OR1L8: variants seen among roughly 807,000 people sequenced by gnomAD.
OR1L8 encodes olfactory receptor family 1 subfamily L member 8, also known as olfactory receptor 1L8.
For missense variants in OR1L8, 330 were observed against 377.4 expected (o/e 0.87, Z 1.04); for synonymous variants, 148 against 147.0 (o/e 1.01, Z -0.05).
chr9:122,558,276 A>G, the OR1L8 span, among the ~76,000 whole-genome samples: 1 of 111,772 alleles, frequency 8.9e-6, no homozygotes, highest in African/African-American at 3.3e-5. Flanking sequence ...TTAGTTTCCT[A>G]GTGGGGAAGC....
At chr9:122,551,146 A>G in the OR1L8 span, among the ~76,000 whole-genome samples, 3,071 of 152,320 alleles carry the variant, frequency 0.02, 50 homozygotes, top group South Asian at 0.06. Context: ...CAAGACCTCA[A>G]TCCCATTTAC....
intron 1 of OR1L8, among the ~76,000 whole-genome samples, chr9:122,578,954 AT>A (rs1176721000): frequency 1.4e-5 from 2 of 141,624 alleles, no homozygotes; most frequent in Non-Finnish European, 3.0e-5. Flanking sequence ...ATTAAAAAAA[AT>A]TCTGAAAAAT....
chr9:122,548,589 T>TTATATATATATATATATA, the OR1L8 span, among the ~76,000 whole-genome samples: 3 of 151,176 alleles, frequency 2.0e-5, no homozygotes, highest in Non-Finnish European at 4.4e-5. Context: ...TTTAAAATTT[T>TTATATATATATATATATA]TATATATATA....
chr9:122,575,040 G>C (rs1041551782), intron 3 of OR1L8, among the ~76,000 whole-genome samples: 5 of 152,028 alleles, frequency 3.3e-5, no homozygotes, highest in Non-Finnish European at 5.9e-5. Flanking sequence ...GCATACCTAG[G>C]ATAAATTAAA....
the OR1L8 span, among the ~76,000 whole-genome samples, chr9:122,554,803 C>T: frequency 7.7e-5 from 8 of 103,350 alleles, no homozygotes; most frequent in Non-Finnish European, 1.5e-4. Flanking sequence ...TAAAAGCACT[C>T]TTCTGTTGTA....
Position 122,567,458 on chromosome 9 carries a change from T to G in OR1L8, c.*90A>C. ...CTCACATGGGTCAGAAGTGCTAGCTTCCAACAGCTTTGACTGTTCACCAGA... is the reference window on the plus strand; with the variant it reads ...CTCACATGGGTCAGAAGTGCTAGCTGCCAACAGCTTTGACTGTTCACCAGA... On this transcript the variant is annotated 3_prime_UTR_variant, in exon 5 of 5. Transcript: ENST00000641027. 1.0e-6 allele frequency: 1 copy of G among 978,164 alleles called. No homozygotes were observed. The highest frequency in any genetic ancestry group is 1.5e-6 in the Non-Finnish European group (1 of 653,402). 60.6% of individuals were successfully genotyped at this position (978,164 alleles called of 1,614,324 possible). A position where few individuals can be genotyped will look rare whatever the true frequency, so the allele number is the denominator to read the frequency against.
chr9:122,577,665 C>A (rs1474918545), intron 2 of OR1L8, among the ~76,000 whole-genome samples: 1 of 152,122 alleles, frequency 6.6e-6, no homozygotes, highest in Non-Finnish European at 1.5e-5. Context: ...CTAGTATTAA[C>A]ACTGAGAGTG....
intron 4 of OR1L8, among the ~76,000 whole-genome samples, chr9:122,570,460 A>G (rs966828623): frequency 6.6e-6 from 1 of 152,230 alleles, no homozygotes; most frequent in Non-Finnish European, 1.5e-5. Flanking sequence ...CTAAAAAATT[A>G]AATGCTTACA....
the OR1L8 span, chr9:122,553,098 T>TC: frequency 2.9e-6 from 3 of 1,020,020 alleles, no homozygotes; most frequent in Non-Finnish European, 4.0e-6. Flanking sequence ...TTTTCTTTTC[T>TC]TTTTCTCCCA....
intron 1 of OR1L8, among the ~76,000 whole-genome samples, chr9:122,579,337 T>G (rs1829709990): frequency 6.6e-6 from 1 of 152,156 alleles, no homozygotes; most frequent in African/African-American, 2.4e-5. Flanking sequence ...AATTGAATTT[T>G]AAAAATTGAA....
intron 4 of OR1L8, among the ~76,000 whole-genome samples, chr9:122,572,469 A>C (rs1052312965): frequency 6.6e-6 from 1 of 152,184 alleles, no homozygotes; most frequent in Non-Finnish European, 1.5e-5. Context: ...CACGGGGAAA[A>C]AGGAAGAAGG....
chr9:122,554,677 A>G, the OR1L8 span, among the ~76,000 whole-genome samples: 14 of 152,214 alleles, frequency 9.2e-5, no homozygotes, highest in Non-Finnish European at 2.1e-4. Context: ...CCACTTTGTG[A>G]GGATCATGAC....
At chr9:122,558,311 CTTTTTT>C in the OR1L8 span, among the ~76,000 whole-genome samples, 150 of 34,432 alleles carry the variant, frequency 4.4e-3, no homozygotes, top group Non-Finnish European at 4.7e-3. Context: ...TTGGATTTTG[CTTTTTT>C]TTTTTTTTTT....
At chr9:122,553,732 A>T in the OR1L8 span, 1 of 1,612,894 alleles carries the variant, frequency 6.2e-7, no homozygotes, top group Non-Finnish European at 8.5e-7. Context: ...TTCTGTGCCC[A>T]GAAAGCCATC....
At position 122,568,288 on chromosome 9, in the gene OR1L8, A is replaced by T. The variant is rs566061152; in HGVS notation, c.190T>A (p.Leu64Met). Residue 64 changes from leucine to methionine, a missense_variant, in exon 5 of 5, where the codon TTG (leucine) becomes ATG (methionine). Leu to Met is a conservative substitution (Grantham distance 15). Transcript: ENST00000641027. ...ATATCAGTGAGAGACAGAAAACTCA[A>T]GAAGAAATACATAGGGGTCTGAAGA... ...PHLQTPMYFF[L>M]SFLSLTDICF... The T allele has an allele frequency of 5.0e-6, 8 of 1,614,176 alleles. No homozygotes were observed. In the South Asian group the frequency reaches 8.8e-5, roughly 18 times the overall value.
chr9:122,556,767 A>C, the OR1L8 span, among the ~76,000 whole-genome samples: 1 of 152,182 alleles, frequency 6.6e-6, no homozygotes, highest in Admixed American at 6.5e-5. Context: ...GCCTCTCTGC[A>C]TTTTGTTGAT....
intron 4 of OR1L8, among the ~76,000 whole-genome samples, chr9:122,572,432 G>C (rs1829570139): frequency 1.3e-5 from 2 of 152,188 alleles, no homozygotes; most frequent in Non-Finnish European, 2.9e-5. Context: ...GCTCCAGACT[G>C]TAGACATGAG....
the OR1L8 span, among the ~76,000 whole-genome samples, chr9:122,556,508 G>C: frequency 6.6e-6 from 1 of 151,926 alleles, no homozygotes; most frequent in Non-Finnish European, 1.5e-5. Context: ...TGTCCACCGG[G>C]GCCTGTTGGG....
chr9:122,567,607 T>C lies in OR1L8; in HGVS notation c.871A>G (p.Ser291Gly). 1 of 1,612,576 alleles carries C rather than the reference T, an allele frequency of 6.2e-7. No individual in the cohort carries two copies. The highest frequency in any genetic ancestry group is 8.5e-7 in the Non-Finnish European group (1 of 1,179,544). The change falls in exon 5 of 5, where the codon AGC (serine) becomes GGC (glycine). Residue 291 changes from serine (S) to glycine (G), a missense_variant. Coordinates refer to ENST00000641027, the MANE Select transcript of OR1L8 (RefSeq NM_001004454.2). The part of the protein sequence containing the change: ...LSSMLNPFIY[S>G]LRNKDLKQGL... The stretch of plus-strand genomic sequence containing the variant: ...TGTTTCAGGTCTTTGTTTCTCAGGC[T>C]GTAGATAAAAGGATTGAGCATGGAT...
Sources: gnomAD v4.1 joint callset for allele counts (sites outside exome capture counted in the v4.1 genomes callset) on GRCh38, gnomAD v4.1.1 for gene constraint, MANE v1.5 for transcripts, NCBI Gene and HGNC (gene_info 2026-07-23, HGNC 2026-07-21) for gene names.